The following WDR62 variants were observed in gnomAD, a reference collection of about 807,000 sequenced individuals.
The protein encoded by WDR62 is WD repeat domain 62, also known as WD repeat-containing protein 62.
In WDR62, 112 loss-of-function variants were observed where a neutral mutation model predicts 160.6. The observed-to-expected ratio is 0.70, with a 90% confidence interval of 0.60 to 0.82. The LOEUF is 0.82. Among genes scored for constraint, WDR62 ranks in the 40% least tolerant of loss-of-function variants. WDR62 has a pLI of 0.00. For synonymous variants in WDR62, 792 were observed against 815.1 expected (o/e 0.97, Z 0.48); for missense variants, 1,819 against 1,983.8 (o/e 0.92, Z 1.58).
chr19:36,068,955 C>G (rs1170679370), intron 7 of WDR62, among the ~76,000 whole-genome samples: 1 of 152,022 alleles, frequency 6.6e-6, no homozygotes, highest in Non-Finnish European at 1.5e-5. Flanking sequence ...CCCCCCATCT[C>G]CCGGACGGGG....
chr19:36,072,943 G>A (rs1005867923), intron 8 of WDR62, among the ~76,000 whole-genome samples: 40 of 152,180 alleles, frequency 2.6e-4, no homozygotes, highest in African/African-American at 9.2e-4. Flanking sequence ...CCAGGCCAAG[G>A]GACAGCTCCC....
chr19:36,095,188 G>GA (rs945505350), intron 20 of WDR62, among the ~76,000 whole-genome samples: 1 of 152,160 alleles, frequency 6.6e-6, no homozygotes, highest in Non-Finnish European at 1.5e-5. Flanking sequence ...ATGTTAAAAG[G>GA]AAGATTTTTT....
At chr19:36,083,411 G>A (rs926283771) in intron 11 of WDR62, among the ~76,000 whole-genome samples, 170 bp downstream of exon 11, 2 of 152,228 alleles carry the variant, frequency 1.3e-5, no homozygotes, top group Non-Finnish European at 2.9e-5. Flanking sequence ...CTCGTAAGAG[G>A]CTTCCAGAAG....
At position 36,103,816 on chromosome 19, in the gene WDR62, A is replaced by G; in HGVS notation, c.3988A>G (p.Ser1330Gly). The change falls in exon 30 of 32, where the codon AGC becomes GGC. Residue 1330 changes from serine to glycine, a missense_variant. Physicochemically the swap from Ser to Gly is moderately conservative, Grantham distance 56. Coordinates refer to ENST00000401500, the MANE Select transcript of WDR62 (RefSeq NM_001083961.2). ...CCCTGCAGTGAGCTTCCCAGCCCCTAGCCCTGTGGAAGAGAGCGCCCTGAG... is the reference window on the plus strand; with the variant it reads ...CCCTGCAGTGAGCTTCCCAGCCCCTGGCCCTGTGGAAGAGAGCGCCCTGAG... ...TVPAVSFPAP[S>G]PVEESALRLH... 4 of 1,607,864 alleles carry G rather than the reference A, an allele frequency of 2.5e-6. No homozygotes were observed. The highest frequency in any genetic ancestry group is 2.5e-6 in the Non-Finnish European group (3 of 1,179,430).
chr19:36,092,387 A>T, intron 18 of WDR62, among the ~76,000 whole-genome samples: 1 of 151,978 alleles, frequency 6.6e-6, no homozygotes, highest in Admixed American at 6.5e-5. Flanking sequence ...CATGGGTGGT[A>T]CTCAAGGAAG....
rs1482106904 is a variant in WDR62, at chr19:36,066,305, C to T, written c.439C>T (p.Gln147Ter). 2 of 1,614,108 alleles carry T rather than the reference C, an allele frequency of 1.2e-6. No individual in the cohort carries two copies. Among genetic ancestry groups the T allele is most frequent in the African/African-American group, 2.7e-5 (2 of 74,932 alleles). ...VRIWDVEEKN[Q>*]VAEMLGHKYG... ...CATCTGGGATGTGGAGGAGAAGAAT[C>T]AGGTGGCGGAGATGCTAGGCCACAA... is the stretch of plus-strand genomic sequence containing the variant. The change falls in exon 5 of 32, where the codon CAG becomes TAG. Residue 147 changes from glutamine (Q) to a stop codon, truncating the protein, a stop_gained. Transcript: ENST00000401500. LOFTEE classifies it high-confidence loss of function.
intron 2 of WDR62, 110 bp from the exon 3 acceptor site, chr19:36,059,858 G>A (rs1970555385): frequency 8.6e-7 from 1 of 1,157,370 alleles, no homozygotes; most frequent in East Asian, 2.3e-5. Flanking sequence ...GAGGAGACCA[G>A]AGAGAACCGA....
chr19:36,062,347 A>G (rs992702633), intron 3 of WDR62: 1 of 152,120 alleles, frequency 6.6e-6, no homozygotes, highest in African/African-American at 2.4e-5. Flanking sequence ...TGATGCCCCT[A>G]TATCTCTAAA....
At chr19:36,062,911 A>G (rs2145555680) in intron 3 of WDR62, among the ~76,000 whole-genome samples, 1 of 151,946 alleles carries the variant, frequency 6.6e-6, no homozygotes. Context: ...TTTCAGGCTG[A>G]CGTGGCTCCT....
intron 30 of WDR62, 146 bp from the exon 31 acceptor site, chr19:36,104,372 G>T (rs979916152): frequency 2.9e-6 from 3 of 1,042,322 alleles, no homozygotes; most frequent in African/African-American, 3.2e-5. Flanking sequence ...TTGGAGCAGA[G>T]ACCTGTAGGA....
chr19:36,099,558 C>A lies in WDR62; in HGVS notation c.2680C>A (p.Leu894Met). ...CYFTPMKPESLENSILDSLEP... is the reference protein window; with the variant it reads ...CYFTPMKPESMENSILDSLEP... ...CTTTACCCCCATGAAGCCCGAGAGT[C>A]TGGAGAACTCCATTCTGGATTCACT... Residue 894 changes from leucine (L) to methionine (M), a missense_variant, in exon 22 of 32, where the codon CTG becomes ATG. Leu to Met is a conservative substitution (Grantham distance 15, BLOSUM62 2). This residue lies in a region of WDR62 where 934 missense variants were observed against 1,157.2 expected (regional missense o/e 0.81). Coordinates refer to ENST00000401500, the MANE Select transcript of WDR62 (RefSeq NM_001083961.2). The A allele has an allele frequency of 6.2e-7, 1 of 1,614,216 alleles. No homozygotes were observed. The highest frequency in any genetic ancestry group is 1.1e-5 in the South Asian group (1 of 91,088).
chr19:36,099,323 T>C (rs1973175638), intron 21 of WDR62, 76 bp from the exon 22 acceptor site: 4 of 1,215,300 alleles, frequency 3.3e-6, no homozygotes, highest in Non-Finnish European at 4.8e-6. Context: ...CCAGATGGGC[T>C]GTGTGAAATG....
chr19:36,055,133 G>A lies in WDR62; in HGVS notation c.162G>A (p.Glu54=), dbSNP rs757431916. Reference sequence around the variant, plus strand: ...CGCGACTCTCGACGGCCTCCGAGGAGACGGTGCAGAACCGGGTGAGAAGCT... The same window carrying A: ...CGCGACTCTCGACGGCCTCCGAGGAAACGGTGCAGAACCGGGTGAGAAGCT... ...RRTRLSTASE[E]TVQNRVSLEK... The change falls in exon 1 of 32, where the codon GAG becomes GAA. Residue 54 remains glutamate, a synonymous_variant. Transcript: ENST00000401500. The A allele has an allele frequency of 6.2e-7, 1 of 1,608,528 alleles. No homozygotes were observed. Among genetic ancestry groups the A allele is most frequent in the South Asian group, 1.1e-5 (1 of 90,344 alleles).
intron 8 of WDR62, among the ~76,000 whole-genome samples, chr19:36,072,587 G>T (rs1360155437): frequency 1.3e-5 from 2 of 152,166 alleles, no homozygotes; most frequent in African/African-American, 4.8e-5. Context: ...CTAACCAGGG[G>T]GTGCCAGGTG....
At chr19:36,107,998 C>T (rs1973743639), downstream of WDR62, among the ~76,000 whole-genome samples, 2 of 152,096 alleles carry the variant, frequency 1.3e-5, no homozygotes, top group Admixed American at 6.5e-5. Context: ...TGGGAAACCA[C>T]CGAGGCTGGT....
Position 36,100,633 on chromosome 19 carries a change from G to C in WDR62, c.2740-115G>C. The C allele has an allele frequency of 2.0e-6, 3 of 1,508,486 alleles. No homozygotes were observed. In the South Asian group the frequency reaches 3.4e-5, roughly 17 times the overall value. 93.4% of individuals were successfully genotyped at this position (1,508,486 alleles called of 1,614,324 possible). A position where few individuals can be genotyped will look rare whatever the true frequency, so the allele number is the denominator to read the frequency against. ...CAAGCTGGTTGCGAGTGGAGGGCAT[G>C]GCACAGGCCCTGGTTCACAGCCTCC... On this transcript the variant is annotated intron_variant, in intron 22 of 31. Transcript: ENST00000401500.
chr19:36,073,427 G>C lies in WDR62; in HGVS notation c.1129G>C (p.Val377Leu), dbSNP rs761204875. 1.2e-6 allele frequency: 2 copies of C among 1,614,106 alleles called. No individual in the cohort carries two copies. Among genetic ancestry groups the C allele is most frequent in the Non-Finnish European group, 1.7e-6 (2 of 1,179,994 alleles). ...FDPIHQWLSC[V>L]YKDHSIYIWD... ...CCCCATCCACCAGTGGCTGTCCTGC[G>C]TGTATAAGGACCACAGCATCTACAT... The change falls in exon 9 of 32, where the codon GTG becomes CTG. Residue 377 changes from valine (V) to leucine (L), a missense_variant. By Grantham distance (32) the Val-to-Leu change is conservative (BLOSUM62 1). Transcript: ENST00000401500.
intron 9 of WDR62, among the ~76,000 whole-genome samples, chr19:36,080,746 C>G (rs1028673783): frequency 3.9e-5 from 6 of 151,942 alleles, no homozygotes; most frequent in African/African-American, 1.5e-4. Flanking sequence ...TGAGCCACCG[C>G]GCCCGGCCAA....
At chr19:36,063,152 C>G (rs1016457068) in intron 3 of WDR62, among the ~76,000 whole-genome samples, 7 of 152,106 alleles carry the variant, frequency 4.6e-5, no homozygotes, top group African/African-American at 1.7e-4. Flanking sequence ...CCCATGTTGG[C>G]CAGGATGGTC....
Sources: gnomAD v4.1 joint callset for allele counts (sites outside exome capture counted in the v4.1 genomes callset) on GRCh38, gnomAD v4.1.1 for gene constraint, gnomAD v4.1.1 regional missense constraint, MANE v1.5 for transcripts, NCBI Gene and HGNC (gene_info 2026-07-23, HGNC 2026-07-21) for gene names.